Variants in KDM2B observed in about 807,000 individuals in gnomAD.
KDM2B encodes lysine-specific demethylase 2B.
In KDM2B, 26 loss-of-function variants were observed where a neutral mutation model predicts 150.0. The observed-to-expected ratio is 0.17, with a 90% CI of 0.13 to 0.24. The LOEUF (loss-of-function observed/expected upper bound fraction) is 0.24, where lower values mean the gene tolerates loss of function less well. Among genes scored for constraint, KDM2B ranks in the 10% least tolerant of loss-of-function variants. The pLI is 1.00. For synonymous variants in KDM2B, 734 were observed against 729.5 expected, an observed-to-expected ratio of 1.01 and a Z score of -0.10; for missense variants, 1,265 against 1,816.9, an observed-to-expected ratio of 0.70 and a Z score of 5.52.
rs1327601405 is a variant in KDM2B at position 121,493,286 on chromosome 12, C to A, written c.1734+1293G>T. On this transcript the variant is annotated intron_variant, in intron 12 of 22. Transcript: ENST00000377071. ...AAATACCTCTTGGGGCTACTGAAGT[C>A]ACAAATAATATTTAGAGTGCACTAA... Among the ~76,000 whole-genome samples the A allele has an allele frequency of 3.3e-5, 5 of 151,826 alleles. No individual in the cohort carries two copies. The South Asian group carries it at 8.3e-4, about 25-fold the overall frequency.
chr12:121,481,092 A>AT lies in KDM2B; in HGVS notation c.1734+13486dup, dbSNP rs369369945. 5.4e-4 allele frequency among the ~76,000 whole-genome samples: 81 copies of AT among 148,844 alleles called. 1 individual carries two copies. Among genetic ancestry groups the AT allele is most frequent in the South Asian group, 5.3e-3 (25 of 4,686 alleles). On this transcript the variant is annotated intron_variant, in intron 12 of 22. Coordinates refer to ENST00000377071, the MANE Select transcript of KDM2B (RefSeq NM_032590.5). ...ACAGATGCACCACCATGCCCAGCTA[A>AT]TTTTTTTTTTGTATTTTCAGTAGAG...
intron 13 of KDM2B, among the ~76,000 whole-genome samples, chr12:121,450,263 G>A (rs1005575515): frequency 1.3e-5 from 2 of 151,044 alleles, no homozygotes; most frequent in East Asian, 1.9e-4. Context: ...GCAGTGAGCC[G>A]AGACTGCGCC....
intron 1 of KDM2B, chr12:121,579,653 A>C (rs1319826549): frequency 7.4e-7 from 1 of 1,350,928 alleles, no homozygotes; most frequent in African/African-American, 1.5e-5. Flanking sequence ...GCGCACACTC[A>C]CTTCCTAAGG....
At chr12:121,490,019 G>A (rs1255390717) in intron 12 of KDM2B, among the ~76,000 whole-genome samples, 1 of 152,190 alleles carries the variant, frequency 6.6e-6, no homozygotes, top group East Asian at 1.9e-4. Flanking sequence ...GACTGAGAGC[G>A]GGGCAGGGAC....
At chr12:121,415,961 G>T in the KDM2B span, among the ~76,000 whole-genome samples, 43 of 151,414 alleles carry the variant, frequency 2.8e-4, no homozygotes, top group Middle Eastern at 0.017. Flanking sequence ...GAGATCATGG[G>T]TATTGGCAAT....
At chr12:121,580,612 C>T (rs1014291799) in intron 1 of KDM2B, among the ~76,000 whole-genome samples, 174 bp downstream of exon 1, 1 of 151,940 alleles carries the variant, frequency 6.6e-6, no homozygotes, top group South Asian at 2.1e-4. Flanking sequence ...GAGGGAGGTG[C>T]AGATTTGCAC....
chr12:121,440,143 CA>C, intron 21 of KDM2B, 68 bp from the exon 22 acceptor site: 2 of 1,247,016 alleles, frequency 1.6e-6, no homozygotes, highest in Non-Finnish European at 2.3e-6. Flanking sequence ...GCTGACATGA[CA>C]CTCTAAAAGG....
At chr12:121,473,040 CT>C in intron 12 of KDM2B, among the ~76,000 whole-genome samples, 1 of 152,228 alleles carries the variant, frequency 6.6e-6, no homozygotes, top group East Asian at 1.9e-4. Flanking sequence ...GAAATAAGAT[CT>C]GAAGTTCTGT....
intron 6 of KDM2B, among the ~76,000 whole-genome samples, chr12:121,542,059 A>G (rs1012826722): frequency 2.0e-5 from 3 of 152,210 alleles, no homozygotes; most frequent in Non-Finnish European, 4.4e-5. Flanking sequence ...TTTAATTAAC[A>G]GAATATGGCA....
intron 21 of KDM2B, chr12:121,440,313 C>T: frequency 1.8e-6 from 1 of 549,750 alleles, no homozygotes; most frequent in South Asian, 2.1e-5. Context: ...GCCCACATTC[C>T]ACCCAGTAGT....
At chr12:121,534,922 C>T (rs1887966950) in intron 6 of KDM2B, among the ~76,000 whole-genome samples, 1 of 152,100 alleles carries the variant, frequency 6.6e-6, no homozygotes, top group Non-Finnish European at 1.5e-5. Context: ...CCCACCTCTG[C>T]CCTCCCCCAG....
At chr12:121,461,135 AGGTGGGT>A (rs1555293682) in intron 12 of KDM2B, among the ~76,000 whole-genome samples, 52 of 152,320 alleles carry the variant, frequency 3.4e-4, no homozygotes, top group African/African-American at 1.2e-3. Flanking sequence ...GTGGTGACTA[AGGTGGGT>A]CTTAGAGGGA....
rs1379236996 is a variant in KDM2B at position 121,549,526 on chromosome 12, C to T, written c.510G>A (p.Leu170=). ...TGAACTCTAGGCTGATGACGTTGTA[C>T]AGCTTGTCCCGCTGGGCCTCGGGCG... ...YETPEAQRDK[L]YNVISLEFSH... The change falls in exon 5 of 23, where the codon CTG becomes CTA. Residue 170 remains leucine, a synonymous_variant. Transcript: ENST00000377071. The surrounding 1 kb of genome is among the most constrained non-coding windows in gnomAD (Gnocchi z 4.4). 6.2e-7 allele frequency: 1 copy of T among 1,613,536 alleles called. No individual in the cohort carries two copies. The highest frequency in any genetic ancestry group is 8.5e-7 in the Non-Finnish European group (1 of 1,179,696).
the KDM2B span, chr12:121,420,019 C>T: frequency 4.4e-6 from 2 of 450,790 alleles, no homozygotes; most frequent in South Asian, 2.4e-5. Context: ...TATAACTTTA[C>T]ACACACACAG....
chr12:121,429,569 C>T lies in KDM2B; in HGVS notation c.*719G>A, dbSNP rs150174915. ...GACTATAATTTACATTTATCCACAA[C>T]ATGCTCATGTAACTCTTGAGGTACA... On this transcript the variant is annotated 3_prime_UTR_variant, in exon 23 of 23. Transcript: ENST00000377071. 2.2e-3 allele frequency: 375 copies of T among 166,726 alleles called. 1 individual carries two copies. Among genetic ancestry groups the T allele is most frequent in the South Asian group, 3.5e-3 (20 of 5,722 alleles). 10.3% of individuals were successfully genotyped at this position (166,726 alleles called of 1,614,324 possible). A position where few individuals can be genotyped will look rare whatever the true frequency, so the allele number is the denominator to read the frequency against.
intron 11 of KDM2B, among the ~76,000 whole-genome samples, chr12:121,506,513 C>T (rs1555302976): frequency 2.0e-5 from 3 of 152,100 alleles, no homozygotes; most frequent in Non-Finnish European, 4.4e-5. Context: ...TGAAAAGAGC[C>T]TCATTAGACA....
intron 22 of KDM2B, among the ~76,000 whole-genome samples, chr12:121,436,947 G>A (rs984252949): frequency 6.6e-6 from 1 of 152,204 alleles, no homozygotes; most frequent in Non-Finnish European, 1.5e-5. Context: ...TCTATACCCA[G>A]CAGAACTAGC....
intron 22 of KDM2B, chr12:121,433,330 G>A (rs1258090226): frequency 2.1e-5 from 8 of 388,230 alleles, no homozygotes; most frequent in East Asian, 7.5e-5. Flanking sequence ...CCGCCTGCCC[G>A]CCCGCCAGCC....
At chr12:121,460,877 G>A (rs966730535) in intron 12 of KDM2B, among the ~76,000 whole-genome samples, 41 of 152,070 alleles carry the variant, frequency 2.7e-4, no homozygotes, top group African/African-American at 7.7e-4. Context: ...GATTACCGGC[G>A]TGAACCACCA....
Sources: gnomAD v4.1 joint callset for allele counts (sites outside exome capture counted in the v4.1 genomes callset) on GRCh38, gnomAD v4.1.1 for gene constraint, Gnocchi (gnomAD v3.1) non-coding constraint, MANE v1.5 for transcripts, NCBI Gene and HGNC (gene_info 2026-07-23, HGNC 2026-07-21) for gene names.